Variants in BICRA observed in about 807,000 individuals in gnomAD.
The protein encoded by BICRA is BRD4-interacting chromatin-remodeling complex-associated protein.
In BICRA, 31 loss-of-function variants were observed where a neutral mutation model predicts 96.9. That is an observed-to-expected ratio of 0.32 (90% CI 0.24 to 0.43). The LOEUF (loss-of-function observed/expected upper bound fraction) is 0.43, where lower values mean the gene tolerates loss of function less well. Ranked by LOEUF, BICRA falls within the 20% of genes least tolerant of loss-of-function variation. The probability of loss-of-function intolerance (pLI) is 1.00; values close to 1 mark genes in which losing one functional copy is unlikely to be tolerated. For synonymous variants in BICRA, 1,350 were observed against 1,071.8 expected (o/e 1.26, Z -5.07); for missense variants, 2,283 against 2,190.3 (o/e 1.04, Z -0.84).
At chr19:47,683,009 A>G (rs1973090520) in intron 7 of BICRA, among the ~76,000 whole-genome samples, 1 of 152,126 alleles carries the variant, frequency 6.6e-6, no homozygotes, top group African/African-American at 2.4e-5. Context: ...GTAGTATTCC[A>G]CTGTGTGGGT....
rs758535837 is a variant in BICRA, at chr19:47,673,673, C to G, written c.42-47C>G. On this transcript the variant is annotated intron_variant, in intron 3 of 14. Coordinates refer to ENST00000594866, the MANE Select transcript of BICRA (RefSeq NM_001394372.1). ...GTCTCAACCCCCTCCCTTCCCTCCC[C>G]TCCCCAGCTCCTTACCTCCTCAGCG... 9 of 1,579,744 alleles carry G rather than the reference C, an allele frequency of 5.7e-6. No homozygotes were observed. The South Asian group carries it at 7.7e-5, about 14-fold the overall frequency.
intron 1 of BICRA, among the ~76,000 whole-genome samples, chr19:47,631,058 T>G (rs1972214837): frequency 6.6e-6 from 1 of 152,114 alleles, no homozygotes; most frequent in South Asian, 2.1e-4. Context: ...TTAGTTGATT[T>G]ATGTTTTTGG....
At chr19:47,611,003 C>T (rs1006574292) in intron 1 of BICRA, among the ~76,000 whole-genome samples, 13 of 152,164 alleles carry the variant, frequency 8.5e-5, no homozygotes, top group Non-Finnish European at 1.9e-4. Context: ...ACATTACACG[C>T]TGGCCACAGT....
In BICRA at chr19:47,690,000, T is replaced by A. The variant is rs535983363; in HGVS notation, c.2284-4115T>A. Among the ~76,000 whole-genome samples, 14 of 152,156 alleles carry A rather than the reference T, an allele frequency of 9.2e-5. No individual in the cohort carries two copies. The South Asian group carries it at 2.9e-3, about 32-fold the overall frequency. ...CAGGAAACAACTTGTTCACCTGTTT[T>A]GTTTTTGTTTTTGTTTTTGAGACAG... On this transcript the variant is annotated intron_variant, in intron 7 of 14. Coordinates refer to ENST00000594866, the MANE Select transcript of BICRA (RefSeq NM_001394372.1).
In BICRA at chr19:47,702,320, G is replaced by A. The variant is rs201163484; in HGVS notation, c.4588G>A (p.Gly1530Ser). The A allele has an allele frequency of 4.5e-4, 699 of 1,560,904 alleles. 5 individuals carry two copies. In the African/African-American group the frequency reaches 8.8e-3, roughly 20 times the overall value. Residue 1530 changes from glycine (G) to serine (S), a missense_variant, in exon 15 of 15, where the codon GGC (glycine) becomes AGC (serine). Physicochemically the swap from Gly to Ser is moderately conservative, Grantham distance 56. Transcript: ENST00000594866. ...APSYPHAASA[G>S]TPASPPPLHR... Reference sequence around the variant, plus strand: ...CTCGTACCCCCACGCTGCCTCGGCCGGCACCCCCGCATCCCCGCCGCCCCT... The same window carrying A: ...CTCGTACCCCCACGCTGCCTCGGCCAGCACCCCCGCATCCCCGCCGCCCCT...
Position 47,680,070 on chromosome 19 carries a change from G to A in BICRA, c.900G>A (p.Thr300=). The stretch of plus-strand genomic sequence containing the variant: ...ACCTCTCGGCCGCTGTGGCCACCAC[G>A]CTCAATGGGAACTCTGTGTTCGGAG... The part of the protein sequence containing the change: ...QKNLSAAVAT[T]LNGNSVFGGA... The change falls in exon 6 of 15, where the codon ACG becomes ACA. Residue 300 remains threonine (T), a synonymous_variant. Coordinates refer to ENST00000594866, the MANE Select transcript of BICRA (RefSeq NM_001394372.1). The A allele has an allele frequency of 3.8e-6, 6 of 1,563,658 alleles. No individual in the cohort carries two copies. Among genetic ancestry groups the A allele is most frequent in the South Asian group, 1.2e-5 (1 of 86,126 alleles).
Position 47,694,333 on chromosome 19 carries a change from C to A in BICRA, c.2502C>A (p.Ile834=). The A allele has an allele frequency of 6.6e-6, 7 of 1,064,726 alleles. No individual in the cohort carries two copies. The highest frequency in any genetic ancestry group is 3.2e-5 in the East Asian group (1 of 31,124). 66.0% of individuals were successfully genotyped at this position (1,064,726 alleles called of 1,614,324 possible). ...AGGCCCCCCCAACTCTGCCTGGCAT[C>A]TTTGTCATCCAAAACCAGCTAGGCG... ...PPQAPPTLPG[I]FVIQNQLGVP... Residue 834 remains isoleucine, a synonymous_variant, in exon 8 of 15, where the codon ATC becomes ATA. Transcript: ENST00000594866.
chr19:47,679,204 A>C, intron 5 of BICRA, 117 bp from the exon 6 acceptor site: 2 of 615,708 alleles, frequency 3.2e-6, no homozygotes, highest in Non-Finnish European at 5.1e-6. Flanking sequence ...CCAGGAGGGA[A>C]TGTTCTTTCT....
chr19:47,638,608 C>G (rs999047340), intron 1 of BICRA, among the ~76,000 whole-genome samples: 5 of 116,224 alleles, frequency 4.3e-5, no homozygotes, highest in African/African-American at 2.0e-4. Flanking sequence ...CTCTCTCTCT[C>G]TCTGTCACAC....
At chr19:47,617,777 C>CTTT (rs11433116) in intron 1 of BICRA, among the ~76,000 whole-genome samples, 1 of 149,254 alleles carries the variant, frequency 6.7e-6, no homozygotes, top group African/African-American at 2.5e-5. Context: ...CTGATCTGAT[C>CTTT]TTTTTTTTTT....
rs57492096 is a variant in BICRA at position 47,634,756 on chromosome 19, A to ATT, written c.-108+25610_-108+25611dup. ...ACTCTCTTCTCTCTCTTAAAATTAA[A>ATT]TTTTTTTTTTTTTTTTTTTTTTTGG... On this transcript the variant is annotated intron_variant, in intron 1 of 14. Transcript: ENST00000594866. 7.5e-3 allele frequency among the ~76,000 whole-genome samples: 906 copies of ATT among 120,210 alleles called. 14 individuals are homozygous for ATT. Among genetic ancestry groups the ATT allele is most frequent in the African/African-American group, 0.024 (719 of 29,592 alleles). 78.9% of individuals were successfully genotyped at this position (120,210 alleles called of 152,430 possible).
Position 47,699,181 on chromosome 19 carries a change from G to A in BICRA, c.3492+122G>A, listed in dbSNP as rs368715765. ...CCTCCTAGCCCCGGGAGGGAGGTTG[G>A]GAGGGAGGCGGGAGCTCCCATCACA... On this transcript the variant is annotated intron_variant, in intron 13 of 14. Transcript: ENST00000594866. The surrounding 1 kb of genome is among the most constrained non-coding windows in gnomAD (Gnocchi z 5.0). 4 of 904,736 alleles carry A rather than the reference G, an allele frequency of 4.4e-6. No homozygotes were observed. The highest frequency in any genetic ancestry group is 2.1e-4 in the Middle Eastern group (1 of 4,746). 56.0% of individuals were successfully genotyped at this position (904,736 alleles called of 1,614,324 possible).
chr19:47,651,535 C>T (rs1972540933), intron 1 of BICRA, among the ~76,000 whole-genome samples: 1 of 152,156 alleles, frequency 6.6e-6, no homozygotes, highest in South Asian at 2.1e-4. Flanking sequence ...GGTCTGACTC[C>T]TGCCGGTAGA....
At chr19:47,618,251 G>A (rs1972013127) in intron 1 of BICRA, among the ~76,000 whole-genome samples, 1 of 152,172 alleles carries the variant, frequency 6.6e-6, no homozygotes, top group African/African-American at 2.4e-5. Context: ...GATGACCCTG[G>A]AGGTGATGGG....
intron 5 of BICRA, among the ~76,000 whole-genome samples, chr19:47,677,402 TAAA>T (rs1422474886): frequency 6.6e-6 from 1 of 152,100 alleles, no homozygotes; most frequent in Non-Finnish European, 1.5e-5. Flanking sequence ...GAAAAGCACT[TAAA>T]AAGCATTGAG....
intron 7 of BICRA, among the ~76,000 whole-genome samples, chr19:47,691,175 G>T (rs1466776063): frequency 1.3e-5 from 2 of 152,244 alleles, no homozygotes; most frequent in Non-Finnish European, 2.9e-5. Flanking sequence ...GCTATTAGCA[G>T]GAGGCCTCAA....
chr19:47,682,148 C>T lies in BICRA; in HGVS notation c.2279C>T (p.Pro760Leu), dbSNP rs747395182. ...AGCCAGGCTTCCCCGGCTCCGGCCC[C>T]CCAGGTAGAGGGACCCCAGCAGCCT... is the stretch of plus-strand genomic sequence containing the variant. ...PDSQASPAPA[P>L]QIPAAAPLKG... Residue 760 changes from proline to leucine, a missense_variant, in exon 7 of 15, where the codon CCC (proline) becomes CTC (leucine). Pro to Leu is a moderately conservative substitution (Grantham distance 98). Transcript: ENST00000594866. 2.4e-5 allele frequency: 34 copies of T among 1,445,856 alleles called. 1 individual carries two copies. The South Asian group carries it at 3.9e-4, about 17-fold the overall frequency. 89.6% of individuals were successfully genotyped at this position (1,445,856 alleles called of 1,614,324 possible).
chr19:47,681,019 C>A lies in BICRA; in HGVS notation c.1849C>A (p.Pro617Thr). 1 of 1,448,578 alleles carries A rather than the reference C, an allele frequency of 6.9e-7. No homozygotes were observed. Among genetic ancestry groups the A allele is most frequent in the Non-Finnish European group, 9.0e-7 (1 of 1,109,680 alleles). The allele number at this position is 1,448,578 out of a possible 1,614,324, so 89.7% of individuals were successfully genotyped here. ...TPAAATGEAA[P>T]VLTVQPAPQA... ...TGCCGCTGCCACCGGGGAGGCCGCG[C>A]CTGTCCTCACGGTGCAGCCTGCCCC... The change falls in exon 6 of 15, where the codon CCT becomes ACT. Residue 617 changes from proline to threonine, a missense_variant. Physicochemically the swap from Pro to Thr is conservative, Grantham distance 38. Transcript: ENST00000594866.
At chr19:47,640,659 C>T (rs1426090465) in intron 1 of BICRA, among the ~76,000 whole-genome samples, 2 of 151,980 alleles carry the variant, frequency 1.3e-5, no homozygotes, top group Admixed American at 6.6e-5. Context: ...GCAGAGAGGG[C>T]TGGCGGTGTG....
Sources: gnomAD v4.1 joint callset for allele counts (sites outside exome capture counted in the v4.1 genomes callset) on GRCh38, gnomAD v4.1.1 for gene constraint, Gnocchi (gnomAD v3.1) non-coding constraint, MANE v1.5 for transcripts, NCBI Gene and HGNC (gene_info 2026-07-23, HGNC 2026-07-21) for gene names.